Variants in FGF12 observed in about 807,000 individuals in gnomAD.
FGF12 encodes the protein fibroblast growth factor 12.
Under a neutral mutation model 23.6 loss-of-function variants are expected in FGF12, and 14 were observed. That is an observed-to-expected ratio of 0.59 (90% CI 0.39 to 0.93). FGF12 has a LOEUF of 0.93. Among genes scored for constraint, FGF12 ranks in the 40% least tolerant of loss-of-function variants. The probability of loss-of-function intolerance (pLI) is 0.00; values close to 1 mark genes in which losing one functional copy is unlikely to be tolerated. For missense variants in FGF12, 175 were observed against 217.8 expected (o/e 0.80, Z 1.24); for synonymous variants, 62 against 77.3 (o/e 0.80, Z 1.04).
intron 2 of FGF12, among the ~76,000 whole-genome samples, chr3:192,497,790 T>A (rs1433743985): frequency 3.9e-5 from 6 of 152,336 alleles, no homozygotes; most frequent in Non-Finnish European, 7.3e-5. Flanking sequence ...CCTTTCACTC[T>A]CTATCCCCTC....
At chr3:192,724,778 G>C (rs1223753985) in intron 2 of FGF12, among the ~76,000 whole-genome samples, 1 of 152,126 alleles carries the variant, frequency 6.6e-6, no homozygotes, top group Non-Finnish European at 1.5e-5. Context: ...CAACTTTCTG[G>C]ATGCTGGACA....
At chr3:192,202,041 T>A (rs1213589086) in intron 4 of FGF12, among the ~76,000 whole-genome samples, 1 of 152,322 alleles carries the variant, frequency 6.6e-6, no homozygotes, top group East Asian at 1.9e-4. Context: ...TTGAACAATT[T>A]ATGCTGCCAA....
In FGF12 at chr3:192,727,296, C is replaced by T; in HGVS notation, c.-103G>A. The stretch of plus-strand genomic sequence containing the variant: ...GGGAAGCCAATCTGATGATTTCGCC[C>T]GTACTTCCTTCCTTCCCCTCAGGCT... On this transcript the variant is annotated 5_prime_UTR_variant, in exon 2 of 6. Transcript: ENST00000445105. 4.5e-6 allele frequency: 7 copies of T among 1,551,838 alleles called. No homozygotes were observed. The highest frequency in any genetic ancestry group is 2.0e-5 in the Admixed American group (1 of 51,006).
chr3:192,628,317 T>C (rs1399331324), intron 2 of FGF12, among the ~76,000 whole-genome samples: 1 of 152,022 alleles, frequency 6.6e-6, no homozygotes, highest in Non-Finnish European at 1.5e-5. Flanking sequence ...AACAATCATA[T>C]ACAGGTTCTT....
intron 3 of FGF12, among the ~76,000 whole-genome samples, chr3:192,340,216 C>T (rs1274613756): frequency 6.6e-6 from 1 of 152,028 alleles, no homozygotes; most frequent in East Asian, 1.9e-4. Context: ...ATGCCAAGTG[C>T]TTTCTTTCAC....
At chr3:192,167,161 A>G (rs1277649146) in intron 5 of FGF12, among the ~76,000 whole-genome samples, 9 of 93,732 alleles carry the variant, frequency 9.6e-5, no homozygotes, top group Admixed American at 9.4e-4. Flanking sequence ...GTATATGGCT[A>G]TCAAAAAAAA....
At chr3:192,389,556 G>C (rs936575120) in intron 2 of FGF12, among the ~76,000 whole-genome samples, 2 of 152,086 alleles carry the variant, frequency 1.3e-5, no homozygotes, top group South Asian at 2.1e-4. Context: ...GTTTGATCTA[G>C]CAAAATAAAA....
At chr3:192,270,862 T>C (rs947129076) in intron 4 of FGF12, among the ~76,000 whole-genome samples, 5 of 152,074 alleles carry the variant, frequency 3.3e-5, no homozygotes, top group African/African-American at 7.2e-5. Flanking sequence ...ACTAATTCAA[T>C]GGGAAGAAAA....
chr3:192,248,702 C>A (rs1302119100), intron 4 of FGF12, among the ~76,000 whole-genome samples: 1 of 152,130 alleles, frequency 6.6e-6, no homozygotes, highest in Non-Finnish European at 1.5e-5. Context: ...GACTTCTGCC[C>A]CGGGGGGATC....
intron 2 of FGF12, among the ~76,000 whole-genome samples, chr3:192,460,122 G>T (rs1274259989): frequency 6.6e-6 from 1 of 152,106 alleles, no homozygotes; most frequent in Non-Finnish European, 1.5e-5. Context: ...CCTTGTGGGA[G>T]GGGGGAGTTA....
intron 4 of FGF12, among the ~76,000 whole-genome samples, chr3:192,232,025 A>G (rs990256118): frequency 1.3e-5 from 2 of 152,326 alleles, no homozygotes; most frequent in African/African-American, 4.8e-5. Flanking sequence ...ACGAATATTC[A>G]TTTGAAATAA....
At chr3:192,157,790 T>C (rs1714506928) in intron 5 of FGF12, among the ~76,000 whole-genome samples, 1 of 152,222 alleles carries the variant, frequency 6.6e-6, no homozygotes. Context: ...GGGTGCCAAG[T>C]ACCATCCTAT....
At chr3:192,167,765 ATATAAAAT>A (rs1395240910) in intron 5 of FGF12, among the ~76,000 whole-genome samples, 809 of 32,326 alleles carry the variant, frequency 0.025, 92 homozygotes, top group African/African-American at 0.091. Flanking sequence ...ATATATATAT[ATATAAAAT>A]TTTTTTTTTT....
At chr3:192,367,203 G>A (rs750136838) in intron 2 of FGF12, among the ~76,000 whole-genome samples, 1 of 152,084 alleles carries the variant, frequency 6.6e-6, no homozygotes, top group African/African-American at 2.4e-5. Context: ...CTTAAGACAG[G>A]GAATTAAAAA....
At chr3:192,652,490 C>A (rs958593500) in intron 2 of FGF12, among the ~76,000 whole-genome samples, 1 of 152,150 alleles carries the variant, frequency 6.6e-6, no homozygotes, top group East Asian at 1.9e-4. Context: ...GTAAAATATC[C>A]TCTCTATGTT....
At chr3:192,719,823 C>T (rs1201025754) in intron 2 of FGF12, among the ~76,000 whole-genome samples, 2 of 145,832 alleles carry the variant, frequency 1.4e-5, no homozygotes, top group African/African-American at 5.1e-5. Flanking sequence ...AGAAAAACAA[C>T]CCAACACATT....
rs376954460 is a variant in FGF12 at position 192,345,002 on chromosome 3, A to G, written c.125-9538T>C. Among the ~76,000 whole-genome samples the G allele has an allele frequency of 4.6e-4, 70 of 152,328 alleles. 1 individual carries two copies. The highest frequency in any genetic ancestry group is 1.6e-3 in the African/African-American group (65 of 41,590). On this transcript the variant is annotated intron_variant, in intron 3 of 5. Transcript: ENST00000445105. ...AGCACAGGTGACGGTCCATAAGATC[A>G]ATGGGCAGAAACATCTTCCAAGAAA...
chr3:192,536,601 T>C (rs1725229144), intron 2 of FGF12, among the ~76,000 whole-genome samples: 1 of 152,132 alleles, frequency 6.6e-6, no homozygotes, highest in Non-Finnish European at 1.5e-5. Context: ...GAGAATTTTC[T>C]AAGACATTTA....
rs1299117172 is a variant in FGF12, at chr3:192,203,011, T to C, written c.229-32355A>G. ...ATGGTAAAAATACAATGCTAAAGCA[T>C]TTCATTGGCTCAGCTACTTTTATTT... On this transcript the variant is annotated intron_variant, in intron 4 of 5. Transcript: ENST00000445105. Among the ~76,000 whole-genome samples the C allele has an allele frequency of 1.1e-4, 16 of 152,328 alleles. No homozygotes were observed. In the East Asian group the frequency reaches 1.3e-3, roughly 13 times the overall value.
Sources: allele counts gnomAD v4.1 joint callset (sites outside exome capture counted in the v4.1 genomes callset), GRCh38; gene constraint gnomAD v4.1.1; transcripts MANE v1.5; gene names NCBI Gene and HGNC (gene_info 2026-07-23, HGNC 2026-07-21).